The following FAM13B variants were observed in gnomAD, a reference collection of about 807,000 sequenced individuals.
FAM13B encodes protein FAM13B.
In FAM13B, 60 loss-of-function variants were observed where a neutral mutation model predicts 117.3. The ratio of observed to expected loss-of-function variants is 0.51; its 90% CI spans 0.42 to 0.63. FAM13B has a LOEUF of 0.63. Ranked by LOEUF, FAM13B falls within the 30% of genes least tolerant of loss-of-function variation. FAM13B has a pLI of 0.00. For missense variants in FAM13B, 972 were observed against 1,091.9 expected, an observed-to-expected ratio of 0.89 and a Z score of 1.55; for synonymous variants, 332 against 356.1, an observed-to-expected ratio of 0.93 and a Z score of 0.76.
rs569295941 is a variant in FAM13B at position 137,970,669 on chromosome 5, T to C, written c.1180-8200A>G. Among the ~76,000 whole-genome samples, 129 of 152,248 alleles carry C rather than the reference T, an allele frequency of 8.5e-4. 1 individual carries two copies. Among genetic ancestry groups the C allele is most frequent in the African/African-American group, 2.4e-3 (101 of 41,530 alleles). On this transcript the variant is annotated intron_variant, in intron 10 of 23. Transcript: ENST00000689681. Reference sequence around the variant, plus strand: ...CAATTAAAGGGCACAGACTGGCAAATTGGACAAAGGGTCAAGACCCATCAG... The same window carrying C: ...CAATTAAAGGGCACAGACTGGCAAACTGGACAAAGGGTCAAGACCCATCAG...
intron 1 of FAM13B, among the ~76,000 whole-genome samples, chr5:138,024,306 G>C (rs1033070659): frequency 2.6e-5 from 4 of 152,094 alleles, no homozygotes; most frequent in Non-Finnish European, 4.4e-5. Flanking sequence ...AAGATACACA[G>C]AGACACACAG....
intron 10 of FAM13B, among the ~76,000 whole-genome samples, chr5:137,984,769 T>G (rs1025592513): frequency 5.0e-5 from 7 of 140,426 alleles, no homozygotes; most frequent in African/African-American, 1.8e-4. Flanking sequence ...ATAAGTTGTT[T>G]TTTTTTTTCT....
chr5:137,991,285 T>C (rs941562514), intron 7 of FAM13B, among the ~76,000 whole-genome samples: 7 of 152,248 alleles, frequency 4.6e-5, no homozygotes, highest in African/African-American at 9.6e-5. Flanking sequence ...TGTGAAATCA[T>C]TGGTGCTCAT....
intron 1 of FAM13B, among the ~76,000 whole-genome samples, chr5:138,046,012 G>T (rs187585995): frequency 1.4e-3 from 210 of 152,116 alleles, no homozygotes; most frequent in Non-Finnish European, 2.5e-3. Flanking sequence ...ATCTCATCTT[G>T]AATTCTCACA....
At chr5:137,983,163 C>A (rs1776241765) in intron 10 of FAM13B, among the ~76,000 whole-genome samples, 2 of 97,702 alleles carry the variant, frequency 2.0e-5, no homozygotes, top group South Asian at 3.3e-4. Flanking sequence ...TGAGAAAGAA[C>A]AGCCAGTGTA....
chr5:137,951,504 A>T (rs146401205), intron 17 of FAM13B, among the ~76,000 whole-genome samples: 38 of 151,986 alleles, frequency 2.5e-4, no homozygotes, highest in Non-Finnish European at 4.0e-4. Flanking sequence ...ACAAAATTTT[A>T]AAAAATTACC....
At chr5:138,025,314 T>TATATATATATA (rs1491130029) in intron 1 of FAM13B, among the ~76,000 whole-genome samples, 1 of 79,740 alleles carries the variant, frequency 1.3e-5, no homozygotes, top group African/African-American at 3.9e-5. Flanking sequence ...TATATATGTA[T>TATATATATATA]TTTTTTTTTT....
intron 4 of FAM13B, among the ~76,000 whole-genome samples, chr5:138,015,338 A>C (rs1784992902): frequency 6.6e-6 from 1 of 152,274 alleles, no homozygotes. Context: ...ATGCAACTGC[A>C]ACAGTGCTTC....
chr5:138,018,500 G>T lies in FAM13B; in HGVS notation c.172C>A (p.Gln58Lys). 1 of 1,614,046 alleles carries T rather than the reference G, an allele frequency of 6.2e-7. No homozygotes were observed. The highest frequency in any genetic ancestry group is 1.6e-4 in the Middle Eastern group (1 of 6,062). ...TTTCCATTGACTTGAAAAAGTCCTT[G>T]TTGCTCCAGACCTCCTACGTTAGTT... ...YIEEHGGLEQ[Q>K]GLFQVNGNAE... The change falls in exon 4 of 24, where the codon CAA becomes AAA. Residue 58 changes from glutamine (Q) to lysine (K), a missense_variant. By Grantham distance (53) the Gln-to-Lys change is moderately conservative. Transcript: ENST00000689681.
rs1245022675 is a variant in FAM13B at position 137,943,196 on chromosome 5, T to G, written c.2361A>C (p.Arg787=). The G allele has an allele frequency of 2.5e-6, 4 of 1,613,978 alleles. No homozygotes were observed. Among genetic ancestry groups the G allele is most frequent in the Non-Finnish European group, 2.5e-6 (3 of 1,179,896 alleles). The part of the protein sequence containing the change: ...TPVLGSPSTK[R]RGQMLQPIIE... ...TGATTGGCTGTAACATCTGACCCCT[T>G]CGCTTGGTGGATGGAGATCCCTATA... The change falls in exon 21 of 24, where the codon CGA becomes CGC. Residue 787 remains arginine, a synonymous_variant. Transcript: ENST00000689681.
chr5:137,997,951 T>C (rs1780262801), intron 7 of FAM13B, among the ~76,000 whole-genome samples: 1 of 152,216 alleles, frequency 6.6e-6, no homozygotes, highest in Non-Finnish European at 1.5e-5. Flanking sequence ...ATAAGTGAAC[T>C]GAAACCCAAT....
chr5:137,980,558 T>C (rs537424355), intron 10 of FAM13B, among the ~76,000 whole-genome samples: 1 of 149,102 alleles, frequency 6.7e-6, no homozygotes, highest in African/African-American at 2.5e-5. Flanking sequence ...TCCTCCCACC[T>C]AAGCCTCCCA....
Position 137,957,089 on chromosome 5 carries a change from C to T in FAM13B, c.1442-547G>A, listed in dbSNP as rs145037163. 2.1e-3 allele frequency among the ~76,000 whole-genome samples: 318 copies of T among 152,260 alleles called. 1 individual carries two copies. The highest frequency in any genetic ancestry group is 3.5e-3 in the Non-Finnish European group (237 of 68,004). On this transcript the variant is annotated intron_variant, in intron 13 of 23. Coordinates refer to ENST00000689681, the MANE Select transcript of FAM13B (RefSeq NM_001385994.1). The stretch of plus-strand genomic sequence containing the variant: ...CTTATCCTTTGAGGAAAAAACAAAA[C>T]AGAAACTATGTACTTAGGAATAGTG...
chr5:137,941,070 T>C (rs1761620276), intron 23 of FAM13B, among the ~76,000 whole-genome samples: 1 of 152,066 alleles, frequency 6.6e-6, no homozygotes. Context: ...CACGCCTGCC[T>C]AATTTTTTTT....
intron 10 of FAM13B, among the ~76,000 whole-genome samples, chr5:137,970,812 T>C (rs924321387): frequency 6.6e-6 from 1 of 152,054 alleles, no homozygotes; most frequent in African/African-American, 2.4e-5. Flanking sequence ...GTTGCAATCC[T>C]AGTCTCTGAT....
intron 10 of FAM13B, among the ~76,000 whole-genome samples, chr5:137,972,901 G>A (rs1772692286): frequency 6.6e-6 from 1 of 151,442 alleles, no homozygotes; most frequent in South Asian, 2.1e-4. Context: ...CAACTTACAA[G>A]GGATGTGAAG....
At chr5:138,021,546 CAG>C (rs1208875657) in intron 1 of FAM13B, among the ~76,000 whole-genome samples, 3 of 152,190 alleles carry the variant, frequency 2.0e-5, no homozygotes, top group Non-Finnish European at 2.9e-5. Context: ...CTCACATACT[CAG>C]AACTAAACAT....
Position 137,938,861 on chromosome 5 carries a change from G to A in FAM13B, c.*1364C>T, listed in dbSNP as rs1428628603. The A allele has an allele frequency of 2.6e-5, 4 of 152,160 alleles. No homozygotes were observed. Among genetic ancestry groups the A allele is most frequent in the Non-Finnish European group, 1.5e-5 (1 of 68,018 alleles). 9.4% of individuals were successfully genotyped at this position (152,160 alleles called of 1,614,324 possible). ...AGCTAGTTAAGAAAACCATGCATGA[G>A]TCATTGCATGCAAAACATGGGTATA... On this transcript the variant is annotated 3_prime_UTR_variant, in exon 24 of 24. Transcript: ENST00000689681.
chr5:138,005,263 T>C (rs1347925348), intron 7 of FAM13B, among the ~76,000 whole-genome samples: 1 of 152,056 alleles, frequency 6.6e-6, no homozygotes, highest in Non-Finnish European at 1.5e-5. Context: ...ATTAATTAAT[T>C]AACAAAATTT....
Sources: allele counts gnomAD v4.1 joint callset (sites outside exome capture counted in the v4.1 genomes callset), GRCh38; gene constraint gnomAD v4.1.1; transcripts MANE v1.5; gene names NCBI Gene and HGNC (gene_info 2026-07-23, HGNC 2026-07-21).